The following SH3D19 variants were observed in gnomAD, a reference collection of about 807,000 sequenced individuals.
SH3D19 encodes the protein SH3 domain containing 19.
SH3D19 carries 58 observed loss-of-function variants against 112.1 expected under a neutral mutation model. That is an observed-to-expected ratio of 0.52 (90% confidence interval 0.42 to 0.64). The LOEUF is 0.64. Among genes scored for constraint, SH3D19 ranks in the 30% least tolerant of loss-of-function variants. The pLI is 0.00. For missense variants in SH3D19, 1,090 were observed against 1,263.4 expected, an observed-to-expected ratio of 0.86 and a Z score of 2.08; for synonymous variants, 391 against 448.5, an observed-to-expected ratio of 0.87 and a Z score of 1.62.
chr4:151,224,522 C>G (rs1768672868), intron 2 of SH3D19, among the ~76,000 whole-genome samples: 2 of 152,144 alleles, frequency 1.3e-5, no homozygotes, highest in Admixed American at 1.3e-4. Flanking sequence ...TTATGTTCCA[C>G]TGGTGTTTCA....
At chr4:151,136,847 T>A (rs925049062) in intron 14 of SH3D19, among the ~76,000 whole-genome samples, 1 of 152,348 alleles carries the variant, frequency 6.6e-6, no homozygotes. Flanking sequence ...ATGCCTACCC[T>A]TCATAATCCA....
At chr4:151,306,200 T>C (rs375143138) in intron 1 of SH3D19, among the ~76,000 whole-genome samples, 2 of 152,286 alleles carry the variant, frequency 1.3e-5, no homozygotes. Flanking sequence ...ATGGTGACTA[T>C]GGTAGTTGCC....
At chr4:151,188,955 C>T (rs1477526548) in intron 2 of SH3D19, among the ~76,000 whole-genome samples, 1 of 152,050 alleles carries the variant, frequency 6.6e-6, no homozygotes. Context: ...AGAGCCAAAC[C>T]AAGGTACACC....
chr4:151,216,598 G>A (rs1224889963), intron 2 of SH3D19, among the ~76,000 whole-genome samples: 1 of 152,150 alleles, frequency 6.6e-6, no homozygotes, highest in Non-Finnish European at 1.5e-5. Context: ...GGAGTTCCAT[G>A]CGCCCTGGAC....
chr4:151,217,235 C>G (rs1015485429), intron 2 of SH3D19, among the ~76,000 whole-genome samples: 4 of 152,216 alleles, frequency 2.6e-5, no homozygotes, highest in Admixed American at 6.5e-5. Flanking sequence ...GAAAAGAGAA[C>G]AGCTAAAACA....
intron 1 of SH3D19, among the ~76,000 whole-genome samples, chr4:151,280,511 CTA>C (rs955565320): frequency 7.2e-5 from 11 of 152,212 alleles, no homozygotes; most frequent in African/African-American, 2.7e-4. Context: ...CCCATAAAAA[CTA>C]TGAGATAAAT....
At chr4:151,187,919 T>C (rs1044870051) in intron 2 of SH3D19, among the ~76,000 whole-genome samples, 2 of 152,164 alleles carry the variant, frequency 1.3e-5, no homozygotes, top group African/African-American at 2.4e-5. Context: ...ATTTAAAACA[T>C]CACCACCTAA....
chr4:151,275,338 C>G (rs936319689), intron 1 of SH3D19, among the ~76,000 whole-genome samples: 2 of 152,172 alleles, frequency 1.3e-5, no homozygotes, highest in Middle Eastern at 3.2e-3. Flanking sequence ...CCACCCGCCT[C>G]GGCCTCCCAG....
At chr4:151,188,414 G>T (rs1762120825) in intron 2 of SH3D19, among the ~76,000 whole-genome samples, 1 of 152,102 alleles carries the variant, frequency 6.6e-6, no homozygotes, top group Non-Finnish European at 1.5e-5. Context: ...AAATGCCTGG[G>T]ACCAGAATTA....
At chr4:151,174,328 G>A (rs1759561769) in intron 7 of SH3D19, among the ~76,000 whole-genome samples, 1 of 152,140 alleles carries the variant, frequency 6.6e-6, no homozygotes, top group Admixed American at 6.5e-5. Context: ...TCTGCCAAGA[G>A]TAAGGGGAGC....
intron 1 of SH3D19, chr4:151,279,950 C>A (rs1458724894): frequency 1.3e-6 from 2 of 1,576,890 alleles, no homozygotes; most frequent in African/African-American, 2.8e-5. Context: ...CAGCACACTG[C>A]ATACAACCGT....
intron 2 of SH3D19, among the ~76,000 whole-genome samples, chr4:151,201,340 C>A (rs564084888): frequency 6.6e-6 from 1 of 152,146 alleles, no homozygotes; most frequent in African/African-American, 2.4e-5. Context: ...TTCCCATACC[C>A]CTTATTGCTC....
At chr4:151,134,946 C>G in intron 15 of SH3D19, 128 bp downstream of exon 15, 1 of 685,964 alleles carries the variant, frequency 1.5e-6, no homozygotes, top group Non-Finnish European at 2.4e-6. Context: ...CCTCAGCCTC[C>G]CAAAGTACTG....
At chr4:151,125,194 T>C (rs928511900) in intron 19 of SH3D19, among the ~76,000 whole-genome samples, 1 of 152,170 alleles carries the variant, frequency 6.6e-6, no homozygotes, top group Non-Finnish European at 1.5e-5. Flanking sequence ...TATGGCTGGG[T>C]GTGGTGACTT....
Position 151,253,925 on chromosome 4 carries a change from G to C in SH3D19, c.113-27839C>G, listed in dbSNP as rs75521524. ...ATAAATGATTGCTGGACAAACAAATGAGGTTTCCTGGACTTGGGAGGCTGC... is the reference window on the plus strand; with the variant it reads ...ATAAATGATTGCTGGACAAACAAATCAGGTTTCCTGGACTTGGGAGGCTGC... On this transcript the variant is annotated intron_variant, in intron 1 of 19. Transcript: ENST00000604030. Among the ~76,000 whole-genome samples, 11 of 152,348 alleles carry C rather than the reference G, an allele frequency of 7.2e-5. No homozygotes were observed. The East Asian group carries it at 1.9e-3, about 27-fold the overall frequency.
At chr4:151,246,974 G>T (rs1232098009) in intron 1 of SH3D19, among the ~76,000 whole-genome samples, 1 of 152,208 alleles carries the variant, frequency 6.6e-6, no homozygotes, top group Admixed American at 6.5e-5. Context: ...CCAAGGTCAT[G>T]GAGCTAGGAA....
At chr4:151,261,048 C>A (rs958338899) in intron 1 of SH3D19, 1 of 152,192 alleles carries the variant, frequency 6.6e-6, no homozygotes, top group South Asian at 2.1e-4. Flanking sequence ...AACACACACA[C>A]ACACCCCTAC....
Position 151,128,163 on chromosome 4 carries a change from G to A in SH3D19, c.2929+7C>T, listed in dbSNP as rs1271101630. 6.3e-7 allele frequency: 1 copy of A among 1,589,746 alleles called. No individual in the cohort carries two copies. Among genetic ancestry groups the A allele is most frequent in the Non-Finnish European group, 8.6e-7 (1 of 1,168,178 alleles). On this transcript the variant is annotated splice_region_variant and intron_variant, in intron 18 of 19. Transcript: ENST00000604030. ...GGAGTCGCATTCATGTCTTGCGGTT[G>A]TCATACCTGGGCAGGGCCTCACAAA...
rs775291733 is a variant in SH3D19 at position 151,282,405 on chromosome 4, A to G, written c.112+42836T>C. On this transcript the variant is annotated intron_variant, in intron 1 of 19. Transcript: ENST00000604030. ...GTGACCGGATGGGGAAAAGTTAAGG[A>G]AAGTTCAGGTGAGAATGGGCAGAGA... 5.0e-5 allele frequency: 80 copies of G among 1,613,790 alleles called. No homozygotes were observed. The highest frequency in any genetic ancestry group is 6.4e-5 in the Non-Finnish European group (76 of 1,179,862).
Sources: allele counts gnomAD v4.1 joint callset (sites outside exome capture counted in the v4.1 genomes callset), GRCh38; gene constraint gnomAD v4.1.1; transcripts MANE v1.5; gene names NCBI Gene and HGNC (gene_info 2026-07-23, HGNC 2026-07-21).